The following TMEM135 variants were observed in gnomAD, a reference collection of about 807,000 sequenced individuals.
The protein encoded by TMEM135 is peroxisomal membrane protein 52.
Under a neutral mutation model 60.3 loss-of-function variants are expected in TMEM135, and 30 were observed. The ratio of observed to expected loss-of-function variants is 0.50; its 90% CI spans 0.37 to 0.68. The LOEUF (loss-of-function observed/expected upper bound fraction) is 0.68, where lower values mean the gene tolerates loss of function less well. TMEM135 is among the 30% of genes least tolerant of loss of function. The pLI is 0.00. For synonymous variants in TMEM135, 190 were observed against 186.7 expected (o/e 1.02, Z -0.14); for missense variants, 468 against 548.8 (o/e 0.85, Z 1.47).
At chr11:87,147,191 C>T (rs1484522593) in intron 4 of TMEM135, among the ~76,000 whole-genome samples, 9 of 152,048 alleles carry the variant, frequency 5.9e-5, no homozygotes, top group South Asian at 2.1e-4. Context: ...GGCATGGTGG[C>T]GTGTGCCTGT....
At chr11:87,174,300 T>C (rs606299) in intron 5 of TMEM135, among the ~76,000 whole-genome samples, 56,066 of 151,914 alleles carry the variant, frequency 0.37, 10,878 homozygotes, top group East Asian at 0.67. Flanking sequence ...TCTATTGCCA[T>C]TGAAATATAC....
rs187571074 is a variant in TMEM135, at chr11:87,170,766, G to A, written c.462+13360G>A. Among the ~76,000 whole-genome samples the A allele has an allele frequency of 1.5e-4, 23 of 152,234 alleles. No homozygotes were observed. In the East Asian group the frequency reaches 4.5e-3, roughly 30 times the overall value. On this transcript the variant is annotated intron_variant, in intron 5 of 14. Transcript: ENST00000305494. ...TGTCTCCCAGTCAGAAGGCATGGGG[G>A]TCAAGGACTCACTTGAGGAGGCACT... is the stretch of plus-strand genomic sequence containing the variant.
chr11:87,041,051 A>G (rs1565417807), intron 1 of TMEM135, among the ~76,000 whole-genome samples: 1 of 152,212 alleles, frequency 6.6e-6, no homozygotes, highest in Admixed American at 6.5e-5. Context: ...GTGGTTTTGT[A>G]AGAGAAGCAA....
Position 87,169,807 on chromosome 11 carries a change from T to C in TMEM135, c.462+12401T>C, listed in dbSNP as rs1203577749. ...GGGTTGCTCTTCTCGAGGAGTATCT[T>C]TGTGGTGTTCTCTGTATTGCTTGAA... On this transcript the variant is annotated intron_variant, in intron 5 of 14. Coordinates refer to ENST00000305494, the MANE Select transcript of TMEM135 (RefSeq NM_022918.4). 2.0e-5 allele frequency among the ~76,000 whole-genome samples: 3 copies of C among 152,290 alleles called. No homozygotes were observed. In the East Asian group the frequency reaches 5.8e-4, roughly 29 times the overall value.
intron 7 of TMEM135, among the ~76,000 whole-genome samples, chr11:87,298,005 CAA>C (rs890393372): frequency 2.4e-4 from 37 of 152,212 alleles, no homozygotes; most frequent in African/African-American, 8.7e-4. Flanking sequence ...TTTTTATTGT[CAA>C]GTTTCATTGT....
chr11:87,067,485 G>A (rs1335749361), intron 1 of TMEM135, among the ~76,000 whole-genome samples: 4 of 151,766 alleles, frequency 2.6e-5, no homozygotes, highest in Non-Finnish European at 4.4e-5. Context: ...GACCCATATC[G>A]TAATTCCTTG....
chr11:87,183,400 C>G (rs7930231), intron 5 of TMEM135, among the ~76,000 whole-genome samples: 33,161 of 151,034 alleles, frequency 0.22, 4,233 homozygotes, highest in East Asian at 0.54. Context: ...CTCAGCCTCC[C>G]CAAGTGTGGG....
intron 4 of TMEM135, among the ~76,000 whole-genome samples, chr11:87,102,891 C>T (rs774234234): frequency 6.6e-6 from 1 of 151,948 alleles, no homozygotes; most frequent in Non-Finnish European, 1.5e-5. Flanking sequence ...CAATATATCT[C>T]AAAAATTTAT....
At chr11:87,045,123 G>A (rs763888293) in intron 1 of TMEM135, among the ~76,000 whole-genome samples, 3 of 151,764 alleles carry the variant, frequency 2.0e-5, no homozygotes, top group Admixed American at 6.6e-5. Context: ...TGCGCCTCCC[G>A]GGTTCATGCA....
chr11:87,070,996 A>G (rs1312227780), intron 2 of TMEM135, among the ~76,000 whole-genome samples: 1 of 152,150 alleles, frequency 6.6e-6, no homozygotes, highest in Non-Finnish European at 1.5e-5. Flanking sequence ...GCTCTATGAG[A>G]TAGGTAATAT....
intron 4 of TMEM135, among the ~76,000 whole-genome samples, chr11:87,156,172 A>G (rs552602825): frequency 2.0e-5 from 3 of 152,274 alleles, no homozygotes; most frequent in South Asian, 2.1e-4. Context: ...ATTTGATCAT[A>G]TATGCAAGGT....
At chr11:87,186,496 G>A (rs1939658239) in intron 5 of TMEM135, among the ~76,000 whole-genome samples, 2 of 152,156 alleles carry the variant, frequency 1.3e-5, no homozygotes, top group South Asian at 2.1e-4. Flanking sequence ...ATAGGATATA[G>A]GAGTGGATGA....
rs540315747 is a variant in TMEM135, at chr11:87,236,085, G to A, written c.463-553G>A. 1.3e-4 allele frequency among the ~76,000 whole-genome samples: 20 copies of A among 151,920 alleles called. 1 individual carries two copies. The South Asian group carries it at 2.9e-3, about 22-fold the overall frequency. Reference sequence around the variant, plus strand: ...CAAAAGCTGTTGTCCTTGTTTTTAAGTTAAGCTTGCATGTTTAGGCTTTCT... The same window carrying A: ...CAAAAGCTGTTGTCCTTGTTTTTAAATTAAGCTTGCATGTTTAGGCTTTCT... On this transcript the variant is annotated intron_variant, in intron 5 of 14. Coordinates refer to ENST00000305494, the MANE Select transcript of TMEM135 (RefSeq NM_022918.4).
chr11:87,212,114 G>C (rs1940384864), intron 5 of TMEM135, among the ~76,000 whole-genome samples: 1 of 152,150 alleles, frequency 6.6e-6, no homozygotes, highest in Non-Finnish European at 1.5e-5. Context: ...GGTAAGACTT[G>C]ATACATAGCA....
chr11:87,141,793 A>G (rs1938269648), intron 4 of TMEM135, among the ~76,000 whole-genome samples: 1 of 152,140 alleles, frequency 6.6e-6, no homozygotes, highest in Admixed American at 6.5e-5. Flanking sequence ...AAAATTTTAA[A>G]AATTTAATAT....
intron 1 of TMEM135, among the ~76,000 whole-genome samples, chr11:87,053,718 C>T (rs189820865): frequency 6.6e-6 from 1 of 152,224 alleles, no homozygotes; most frequent in African/African-American, 2.4e-5. Context: ...GATTAATGGT[C>T]TTATAATACT....
At chr11:87,113,170 A>G (rs1323781525) in intron 4 of TMEM135, among the ~76,000 whole-genome samples, 3 of 152,132 alleles carry the variant, frequency 2.0e-5, no homozygotes, top group Admixed American at 1.3e-4. Flanking sequence ...CAACTTATAA[A>G]TGCCATTTGA....
chr11:87,172,172 C>T (rs773422399), intron 5 of TMEM135, among the ~76,000 whole-genome samples: 1 of 152,050 alleles, frequency 6.6e-6, no homozygotes, highest in Non-Finnish European at 1.5e-5. Context: ...CTATGAGGTC[C>T]AGTTTGGGGC....
At chr11:87,273,331 ATCTTT>A (rs761695453) in intron 6 of TMEM135, among the ~76,000 whole-genome samples, 3 of 152,160 alleles carry the variant, frequency 2.0e-5, no homozygotes, top group Non-Finnish European at 4.4e-5. Flanking sequence ...TTTATCAGAG[ATCTTT>A]TCTTTTCAGA....
Sources: gnomAD v4.1 joint callset for allele counts (sites outside exome capture counted in the v4.1 genomes callset) on GRCh38, gnomAD v4.1.1 for gene constraint, MANE v1.5 for transcripts, NCBI Gene and HGNC (gene_info 2026-07-23, HGNC 2026-07-21) for gene names.